CSMD2: variants seen among roughly 807,000 people sequenced by gnomAD.
CSMD2 encodes CUB and sushi domain-containing protein 2.
A neutral mutation model predicts 398.5 loss-of-function variants in CSMD2; 130 were observed. The observed-to-expected ratio is 0.33, with a 90% CI of 0.28 to 0.38. The LOEUF is 0.38. Ranked by LOEUF, CSMD2 falls within the 10% of genes least tolerant of loss-of-function variation. The probability of loss-of-function intolerance (pLI) is 1.00; values close to 1 mark genes in which losing one functional copy is unlikely to be tolerated. For missense variants in CSMD2, 3,829 were observed against 4,764.9 expected (o/e 0.80, Z 5.78); for synonymous variants, 1,828 against 1,908.5 (o/e 0.96, Z 1.10).
Position 33,577,306 on chromosome 1 carries a change from A to G in CSMD2, c.7566T>C (p.Pro2522=). The G allele has an allele frequency of 6.2e-7, 1 of 1,607,948 alleles. No homozygotes were observed. Among genetic ancestry groups the G allele is most frequent in the Non-Finnish European group, 8.5e-7 (1 of 1,176,058 alleles). ...CCACCTGCTTCTCACCTTGACAGAG[A>G]GGGATGGCTTCGCTCCACAGGTGGT... is the stretch of plus-strand genomic sequence containing the variant. ...QGYHLWSEAI[P]LCQALSCGLP... The change falls in exon 49 of 71, where the codon CCT becomes CCC. Residue 2522 remains proline, a synonymous_variant. Coordinates refer to ENST00000373381, the MANE Select transcript of CSMD2 (RefSeq NM_001281956.2).
At chr1:33,536,690 C>T (rs1655819697) in intron 62 of CSMD2, among the ~76,000 whole-genome samples, 1 of 152,050 alleles carries the variant, frequency 6.6e-6, no homozygotes, top group South Asian at 2.1e-4. Flanking sequence ...AGCCCAGTGT[C>T]TGTGGGTGGG....
chr1:34,081,056 A>C lies in CSMD2; in HGVS notation c.404+7921T>G, dbSNP rs144697720. On this transcript the variant is annotated intron_variant, in intron 2 of 70. Coordinates refer to ENST00000373381, the MANE Select transcript of CSMD2 (RefSeq NM_001281956.2). Reference sequence around the variant, plus strand: ...AAGGTTGAGTGGGAAAACAGTGTACAACCTTAGGATAATAGACTTGACACT... The same window carrying C: ...AAGGTTGAGTGGGAAAACAGTGTACCACCTTAGGATAATAGACTTGACACT... 2.2e-3 allele frequency among the ~76,000 whole-genome samples: 331 copies of C among 152,292 alleles called. 3 individuals are homozygous for C. Among genetic ancestry groups the C allele is most frequent in the African/African-American group, 7.7e-3 (320 of 41,552 alleles).
intron 65 of CSMD2, among the ~76,000 whole-genome samples, chr1:33,526,314 C>T (rs537952185): frequency 3.9e-5 from 6 of 152,252 alleles, no homozygotes; most frequent in African/African-American, 1.2e-4. Flanking sequence ...GTCAGACAGA[C>T]CCAGAGTCTA....
intron 25 of CSMD2, among the ~76,000 whole-genome samples, chr1:33,665,035 G>C (rs917636444): frequency 1.3e-5 from 2 of 152,056 alleles, no homozygotes; most frequent in Non-Finnish European, 2.9e-5. Context: ...AATCTCTCTG[G>C]CAGTTTTGAG....
intron 5 of CSMD2, among the ~76,000 whole-genome samples, chr1:33,917,723 T>C (rs1363386381): frequency 6.6e-6 from 1 of 152,202 alleles, no homozygotes; most frequent in Non-Finnish European, 1.5e-5. Context: ...TTCTAGTCCC[T>C]TTTTGGATGC....
intron 25 of CSMD2, among the ~76,000 whole-genome samples, chr1:33,667,654 T>TA (rs1644359462): frequency 6.6e-6 from 1 of 152,178 alleles, no homozygotes; most frequent in African/African-American, 2.4e-5. Context: ...TGATATGAAT[T>TA]AAAAATGCCA....
chr1:34,109,723 C>T (rs1259947715), intron 1 of CSMD2, among the ~76,000 whole-genome samples: 2 of 151,982 alleles, frequency 1.3e-5, no homozygotes, highest in Non-Finnish European at 2.9e-5. Flanking sequence ...GGGCAAAGGA[C>T]ATGAACAGAC....
chr1:33,759,026 G>A (rs1289382005), intron 13 of CSMD2, among the ~76,000 whole-genome samples: 2 of 152,080 alleles, frequency 1.3e-5, no homozygotes, highest in Admixed American at 6.5e-5. Context: ...TGAGAGTTTC[G>A]GGCTGTTGAT....
At chr1:33,576,516 A>T (rs991413030) in intron 49 of CSMD2, among the ~76,000 whole-genome samples, 10 of 152,150 alleles carry the variant, frequency 6.6e-5, no homozygotes, top group African/African-American at 9.7e-5. Context: ...GCTTGAACCC[A>T]GGAGGCAGAG....
At chr1:34,048,979 C>T (rs184473466) in intron 2 of CSMD2, among the ~76,000 whole-genome samples, 16 of 152,204 alleles carry the variant, frequency 1.1e-4, no homozygotes, top group Admixed American at 1.0e-3. Flanking sequence ...CTTCCAGAAC[C>T]ATGGTCTCCA....
At chr1:33,788,153 G>A (rs1347934717) in intron 12 of CSMD2, among the ~76,000 whole-genome samples, 1 of 152,078 alleles carries the variant, frequency 6.6e-6, no homozygotes, top group East Asian at 1.9e-4. Context: ...CAAAGAGGTG[G>A]CTGGGGCTCA....
intron 5 of CSMD2, among the ~76,000 whole-genome samples, chr1:33,848,416 T>C (rs928913472): frequency 6.6e-5 from 10 of 152,096 alleles, no homozygotes; most frequent in African/African-American, 2.2e-4. Context: ...CCTCCTCCAG[T>C]CTCCCACTGA....
At position 33,743,526 on chromosome 1, in the gene CSMD2, G is replaced by A; in HGVS notation, c.1927C>T (p.His643Tyr). 4 of 1,614,038 alleles carry A rather than the reference G, an allele frequency of 2.5e-6. No homozygotes were observed. The highest frequency in any genetic ancestry group is 3.4e-6 in the Non-Finnish European group (4 of 1,180,022). ...NYPEDYGNHL[H>Y]CVWLILARPE... Reference sequence around the variant, plus strand: ...CTGGCCAGGATGAGCCAGACACAGTGGAGGTGGTTGCCATAGTCCTCTGGG... The same window carrying A: ...CTGGCCAGGATGAGCCAGACACAGTAGAGGTGGTTGCCATAGTCCTCTGGG... Residue 643 changes from histidine to tyrosine, a missense_variant, in exon 14 of 71, where the codon CAC becomes TAC. His to Tyr is a moderately conservative substitution (Grantham distance 83). This residue lies in a region of CSMD2 where 2,001 missense variants were observed against 2,567.1 expected (regional missense o/e 0.78). Coordinates refer to ENST00000373381, the MANE Select transcript of CSMD2 (RefSeq NM_001281956.2).
At chr1:34,074,222 A>T (rs779117701) in intron 2 of CSMD2, among the ~76,000 whole-genome samples, 6 of 152,228 alleles carry the variant, frequency 3.9e-5, no homozygotes, top group Non-Finnish European at 7.3e-5. Context: ...GGGGCCTTAC[A>T]TGCTTGCTTA....
chr1:34,162,129 G>A (rs949629122), intron 1 of CSMD2, among the ~76,000 whole-genome samples: 3 of 143,074 alleles, frequency 2.1e-5, no homozygotes, highest in East Asian at 4.2e-4. Flanking sequence ...CCGAGATTGC[G>A]CCATTGCACT....
chr1:33,576,416 C>A (rs1391825633), intron 49 of CSMD2, among the ~76,000 whole-genome samples: 1 of 152,130 alleles, frequency 6.6e-6, no homozygotes, highest in Non-Finnish European at 1.5e-5. Flanking sequence ...TATGGTGAAA[C>A]CCTGTCTCTA....
At chr1:33,947,874 G>A (rs1246636985) in intron 3 of CSMD2, among the ~76,000 whole-genome samples, 1 of 152,200 alleles carries the variant, frequency 6.6e-6, no homozygotes, top group Non-Finnish European at 1.5e-5. Context: ...TGGATACTGT[G>A]CCCATTGGAC....
intron 3 of CSMD2, among the ~76,000 whole-genome samples, chr1:33,943,016 G>A (rs1245063534): frequency 6.6e-6 from 1 of 152,114 alleles, no homozygotes; most frequent in African/African-American, 2.4e-5. Context: ...GCTGGAGCCA[G>A]CATTCTAGAA....
chr1:33,622,299 T>C (rs1265586032), intron 36 of CSMD2, 28 bp from the exon 37 acceptor site: 2 of 1,573,754 alleles, frequency 1.3e-6, no homozygotes, highest in South Asian at 1.1e-5. Context: ...GGGAAAACCA[T>C]TTAAGTTTGG....
Sources: allele counts gnomAD v4.1 joint callset (sites outside exome capture counted in the v4.1 genomes callset), GRCh38; gene constraint gnomAD v4.1.1; regional missense constraint gnomAD v4.1.1; transcripts MANE v1.5; gene names NCBI Gene and HGNC (gene_info 2026-07-23, HGNC 2026-07-21).